The following GAL3ST4 variants were observed in gnomAD, a reference collection of about 807,000 sequenced individuals.
GAL3ST4 encodes the protein beta-galactose-3-O-sulfotransferase 4.
A neutral mutation model predicts 31.6 loss-of-function variants in GAL3ST4; 30 were observed. The observed-to-expected ratio is 0.95, with a 90% confidence interval of 0.71 to 1.29. GAL3ST4 has a LOEUF of 1.29. Among genes scored for constraint, GAL3ST4 ranks in the 50% most tolerant of loss-of-function variants. The pLI is 0.00. For missense variants in GAL3ST4, 629 were observed against 625.2 expected, an observed-to-expected ratio of 1.01 and a Z score of -0.06; for synonymous variants, 248 against 256.9, an observed-to-expected ratio of 0.97 and a Z score of 0.33.
Position 100,167,013 on chromosome 7 carries a change from A to G in GAL3ST4, c.83T>C (p.Ile28Thr). 1 of 1,578,708 alleles carries G rather than the reference A, an allele frequency of 6.3e-7. No homozygotes were observed. The highest frequency in any genetic ancestry group is 8.6e-7 in the Non-Finnish European group (1 of 1,162,508). Reference protein sequence around the residue: ...LGVALGVFMTIGFALQLLGGP... With the variant: ...LGVALGVFMTTGFALQLLGGP... ...TCCCAAGAGCTGGAGTGCAAAGCCA[A>G]TGGTCATGAAGACTCCCAGAGCCAC... The change falls in exon 2 of 4, where the codon ATT becomes ACT. Residue 28 changes from isoleucine to threonine, a missense_variant. Coordinates refer to ENST00000360039, the MANE Select transcript of GAL3ST4 (RefSeq NM_024637.5).
intron 3 of GAL3ST4, among the ~76,000 whole-genome samples, chr7:100,162,127 T>A (rs1219698909): frequency 6.6e-6 from 1 of 151,660 alleles, no homozygotes; most frequent in Middle Eastern, 3.2e-3. Context: ...GAACTTAAAA[T>A]AAAAATAAAT....
At chr7:100,163,657 C>T (rs997948645) in intron 3 of GAL3ST4, among the ~76,000 whole-genome samples, 2 of 152,132 alleles carry the variant, frequency 1.3e-5, no homozygotes. Flanking sequence ...ATCTCAGCCT[C>T]CTGAATAGCT....
Position 100,160,313 on chromosome 7 carries a change from G to T in GAL3ST4, c.1076C>A (p.Ala359Asp). ...TAEDRQLTAR[A>D]RAWNNLDWAL... ...CCAGTCCAGGTTGTTCCAGGCTCGG[G>T]CCCGTGCAGTCAGCTGCCGGTCCTC... Residue 359 changes from alanine to aspartate, a missense_variant, in exon 4 of 4, where the codon GCC becomes GAC. By Grantham distance (126) the Ala-to-Asp change is moderately radical. Transcript: ENST00000360039. 1 of 1,613,864 alleles carries T rather than the reference G, an allele frequency of 6.2e-7. No individual in the cohort carries two copies. Among genetic ancestry groups the T allele is most frequent in the Non-Finnish European group, 8.5e-7 (1 of 1,179,922 alleles).
In GAL3ST4 at chr7:100,168,302, C is replaced by CA; in HGVS notation, c.-189+243dup. ...CCCGGAGACCTGCCCTCTCTGGCAT[C>CA]ACTCCCCAATTCCCTCCCTGATCAC... On this transcript the variant is annotated intron_variant, in intron 1 of 3. Coordinates refer to ENST00000360039, the MANE Select transcript of GAL3ST4 (RefSeq NM_024637.5). The surrounding 1 kb of genome is among the most constrained non-coding windows in gnomAD (Gnocchi z 4.1). 6.6e-6 allele frequency among the ~76,000 whole-genome samples: 1 copy of CA among 152,270 alleles called. No individual in the cohort carries two copies. The highest frequency in any genetic ancestry group is 1.9e-4 in the East Asian group (1 of 5,174).
rs1798964576 is a variant in GAL3ST4, at chr7:100,159,735, T to TG, written c.*192dup. The TG allele has an allele frequency of 7.6e-6, 4 of 525,470 alleles. No individual in the cohort carries two copies. In the South Asian group the frequency reaches 1.1e-4, roughly 15 times the overall value. The allele number at this position is 525,470 out of a possible 1,614,324, so 32.6% of individuals were successfully genotyped here. A position where few individuals can be genotyped will look rare whatever the true frequency, so the allele number is the denominator to read the frequency against. On this transcript the variant is annotated 3_prime_UTR_variant, in exon 4 of 4. Transcript: ENST00000360039. ...ACTCCGTTTCAAAAAAAAAAAAAGTTGGGGGGAAAGAACAAAATGAGTGGA... is the reference window on the plus strand; with the variant it reads ...ACTCCGTTTCAAAAAAAAAAAAAGTTGGGGGGGAAAGAACAAAATGAGTGGA...
chr7:100,165,166 G>A (rs1423517535), intron 3 of GAL3ST4, among the ~76,000 whole-genome samples: 6 of 150,666 alleles, frequency 4.0e-5, no homozygotes, highest in East Asian at 2.0e-4. Context: ...GAGCCACTGC[G>A]CCCGGCCTTT....
rs763977594 is a variant in GAL3ST4 at position 100,160,733 on chromosome 7, G to T, written c.656C>A (p.Pro219His). The change falls in exon 4 of 4, where the codon CCC becomes CAC. Residue 219 changes from proline to histidine, a missense_variant. Pro to His is a moderately conservative substitution (Grantham distance 77, BLOSUM62 -2). Coordinates refer to ENST00000360039, the MANE Select transcript of GAL3ST4 (RefSeq NM_024637.5). ...CCCTCTCTTGGCCCTCTTCTCTGGGGGAAAGGGCAGGCCAAAGTCAAACCA... is the reference window on the plus strand; with the variant it reads ...CCCTCTCTTGGCCCTCTTCTCTGGGTGAAAGGGCAGGCCAAAGTCAAACCA... Reference protein sequence around the residue: ...LLWFDFGLPFPPEKRAKRGNI... With the variant: ...LLWFDFGLPFHPEKRAKRGNI... 6.2e-7 allele frequency: 1 copy of T among 1,614,006 alleles called. No individual in the cohort carries two copies. Among genetic ancestry groups the T allele is most frequent in the Non-Finnish European group, 8.5e-7 (1 of 1,180,040 alleles).
rs969701431 is a variant in GAL3ST4 at position 100,159,334 on chromosome 7, A to G, written c.*594T>C. 1 of 152,874 alleles carries G rather than the reference A, an allele frequency of 6.5e-6. No homozygotes were observed. Among genetic ancestry groups the G allele is most frequent in the Admixed American group, 6.5e-5 (1 of 15,346 alleles). The allele number at this position is 152,874 out of a possible 1,614,324, so 9.5% of individuals were successfully genotyped here. A position where few individuals can be genotyped will look rare whatever the true frequency, so the allele number is the denominator to read the frequency against. ...TATTTCATAGAGAAATGGACGTATC[A>G]TTCCAACTCACCACGCCCCAAACTT... On this transcript the variant is annotated 3_prime_UTR_variant, in exon 4 of 4. Transcript: ENST00000360039.
chr7:100,160,286 G>T lies in GAL3ST4; in HGVS notation c.1103C>A (p.Ala368Asp). The change falls in exon 4 of 4, where the codon GCT (alanine) becomes GAT (aspartate). Residue 368 changes from alanine to aspartate, a missense_variant. By Grantham distance (126) the Ala-to-Asp change is moderately radical. Coordinates refer to ENST00000360039, the MANE Select transcript of GAL3ST4 (RefSeq NM_024637.5). Reference protein sequence around the residue: ...RARAWNNLDWALYVHFNRSLW... With the variant: ...RARAWNNLDWDLYVHFNRSLW... ...ACTGCGGTTGAAGTGGACATAGAGAGCCCAGTCCAGGTTGTTCCAGGCTCG... is the reference window on the plus strand; with the variant it reads ...ACTGCGGTTGAAGTGGACATAGAGATCCCAGTCCAGGTTGTTCCAGGCTCG... 1 of 1,613,900 alleles carries T rather than the reference G, an allele frequency of 6.2e-7. No homozygotes were observed. The highest frequency in any genetic ancestry group is 2.2e-5 in the East Asian group (1 of 44,876).
rs1050775511 is a variant in GAL3ST4, at chr7:100,160,341, C to T, written c.1048G>A (p.Ala350Thr). 8.7e-6 allele frequency: 14 copies of T among 1,613,814 alleles called. No homozygotes were observed. The highest frequency in any genetic ancestry group is 5.3e-5 in the African/African-American group (4 of 74,934). The part of the protein sequence containing the change: ...LSTVSNSGLT[A>T]EDRQLTARAR... ...CGTGCAGTCAGCTGCCGGTCCTCCG[C>T]AGTCAGTCCACTGTTGCTGACAGTG... The change falls in exon 4 of 4, where the codon GCG (alanine) becomes ACG (threonine). Residue 350 changes from alanine to threonine, a missense_variant. By Grantham distance (58) the Ala-to-Thr change is moderately conservative. Coordinates refer to ENST00000360039, the MANE Select transcript of GAL3ST4 (RefSeq NM_024637.5).
At chr7:100,166,854 T>C in intron 2 of GAL3ST4, 49 bp from the exon 3 acceptor site, 1 of 1,553,794 alleles carries the variant, frequency 6.4e-7, no homozygotes, top group African/African-American at 1.4e-5. Context: ...AGCAAATGGG[T>C]AGAAGGGACA....
chr7:100,160,280 TAGAG>T lies in GAL3ST4; in HGVS notation c.1105_1108del (p.Leu369MetfsTer12), dbSNP rs750042241. 2 of 1,613,940 alleles carry T rather than the reference TAGAG, an allele frequency of 1.2e-6. No individual in the cohort carries two copies. Among genetic ancestry groups the T allele is most frequent in the South Asian group, 2.2e-5 (2 of 91,070 alleles). On this transcript the variant is annotated frameshift_variant, in exon 4 of 4. Coordinates refer to ENST00000360039, the MANE Select transcript of GAL3ST4 (RefSeq NM_024637.5). LOFTEE classifies it high-confidence loss of function. ...CCAGAGACTGCGGTTGAAGTGGACA[TAGAG>T]AGCCCAGTCCAGGTTGTTCCAGGCT...
chr7:100,162,450 C>T (rs1799015394), intron 3 of GAL3ST4, among the ~76,000 whole-genome samples: 1 of 150,070 alleles, frequency 6.7e-6, no homozygotes, highest in Non-Finnish European at 1.5e-5. Context: ...GAGGCTGAGG[C>T]AGGAGAATCG....
rs767341280 is a variant in GAL3ST4 at position 100,160,052 on chromosome 7, T to TG, written c.1336dup (p.Gln446ProfsTer7). 3 of 1,614,064 alleles carry TG rather than the reference T, an allele frequency of 1.9e-6. No homozygotes were observed. Among genetic ancestry groups the TG allele is most frequent in the Non-Finnish European group, 1.7e-6 (2 of 1,180,004 alleles). On this transcript the variant is annotated frameshift_variant, in exon 4 of 4. Coordinates refer to ENST00000360039, the MANE Select transcript of GAL3ST4 (RefSeq NM_024637.5). LOFTEE classifies it high-confidence loss of function. ...TAGGCGCTCACATTCCTCTTGGTCT[T>TG]GGGGGCTCAATCCACTCCGAAGTAT...
At chr7:100,161,043 C>G in intron 3 of GAL3ST4, 84 bp from the exon 4 acceptor site, 4 of 1,236,906 alleles carry the variant, frequency 3.2e-6, no homozygotes, top group Non-Finnish European at 1.1e-6. Flanking sequence ...TGTCCGCTGA[C>G]CAGCCTCCTG....
In GAL3ST4 at chr7:100,166,978, G is replaced by A; in HGVS notation, c.118C>T (p.Gln40Ter). Reference sequence around the variant, plus strand: ...GGCAAAGTGGGAACTCACCTCCTCTGGAAGGGCCCTCCCAAGAGCTGGAGT... The same window carrying A: ...GGCAAAGTGGGAACTCACCTCCTCTAGAAGGGCCCTCCCAAGAGCTGGAGT... ...FALQLLGGPFQRRLPGLQLRQ... is the reference protein window; with the variant it reads ...FALQLLGGPF Residue 40 changes from glutamine to a stop codon, truncating the protein, a stop_gained, in exon 2 of 4, where the codon CAG (glutamine) becomes TAG (stop). Coordinates refer to ENST00000360039, the MANE Select transcript of GAL3ST4 (RefSeq NM_024637.5). LOFTEE classifies it high-confidence loss of function. 1 of 1,591,920 alleles carries A rather than the reference G, an allele frequency of 6.3e-7. No individual in the cohort carries two copies. The highest frequency in any genetic ancestry group is 8.5e-7 in the Non-Finnish European group (1 of 1,170,150).
chr7:100,159,979 G>T lies in GAL3ST4; in HGVS notation c.1410C>A (p.Phe470Leu). 1 of 1,613,648 alleles carries T rather than the reference G, an allele frequency of 6.2e-7. No individual in the cohort carries two copies. The highest frequency in any genetic ancestry group is 2.2e-5 in the East Asian group (1 of 44,882). ...QYKDKLDAKQ[F>L]PPTVSLPLKT... is the part of the protein sequence containing the mutation. ...TGAGGGGCAGTGAGACGGTAGGGGG[G>T]AACTGCTTGGCATCCAGCTTGTCCT... Residue 470 changes from phenylalanine (F) to leucine (L), a missense_variant, in exon 4 of 4, where the codon TTC becomes TTA. By Grantham distance (22) the Phe-to-Leu change is conservative. Transcript: ENST00000360039.
At chr7:100,165,915 A>C (rs1799066567) in intron 3 of GAL3ST4, among the ~76,000 whole-genome samples, 1 of 151,702 alleles carries the variant, frequency 6.6e-6, no homozygotes, top group African/African-American at 2.4e-5. Context: ...AGGTGAGCAG[A>C]TCACTTGAGC....
intron 3 of GAL3ST4, among the ~76,000 whole-genome samples, chr7:100,165,887 C>G (rs1253081611): frequency 2.0e-5 from 3 of 150,982 alleles, no homozygotes; most frequent in African/African-American, 7.3e-5. Flanking sequence ...CCTGTAATCC[C>G]AACCCTTTGG....
Sources: allele counts gnomAD v4.1 joint callset (sites outside exome capture counted in the v4.1 genomes callset), GRCh38; gene constraint gnomAD v4.1.1; non-coding constraint Gnocchi (gnomAD v3.1); transcripts MANE v1.5; gene names NCBI Gene and HGNC (gene_info 2026-07-23, HGNC 2026-07-21).